FAM180A: variants seen among roughly 807,000 people sequenced by gnomAD.
FAM180A encodes the protein family with sequence similarity 180 member A.
FAM180A carries 14 observed loss-of-function variants against 15.3 expected under a neutral mutation model. That is an observed-to-expected ratio of 0.92 (90% CI 0.61 to 1.43). FAM180A has a LOEUF of 1.43. Among genes scored for constraint, FAM180A ranks in the 40% most tolerant of loss-of-function variants. FAM180A has a pLI of 0.00. For synonymous variants in FAM180A, 90 were observed against 96.8 expected (o/e 0.93, Z 0.41); for missense variants, 200 against 220.8 (o/e 0.91, Z 0.60).
intron 1 of FAM180A, among the ~76,000 whole-genome samples, chr7:135,742,517 A>G (rs922690250): frequency 6.6e-6 from 1 of 152,162 alleles, no homozygotes; most frequent in Non-Finnish European, 1.5e-5. Context: ...GGGTGGGGAA[A>G]CCAAGCACTG....
intron 2 of FAM180A, among the ~76,000 whole-genome samples, chr7:135,735,112 C>T (rs1321032803): frequency 9.2e-5 from 14 of 151,956 alleles, no homozygotes; most frequent in Non-Finnish European, 1.6e-4. Context: ...CATGTTGGTC[C>T]GGCTGGTCTC....
chr7:135,742,662 A>C (rs1796968342), intron 1 of FAM180A, among the ~76,000 whole-genome samples: 1 of 152,222 alleles, frequency 6.6e-6, no homozygotes, highest in Non-Finnish European at 1.5e-5. Flanking sequence ...TCCAGAGTTC[A>C]TGATTCATGT....
Position 135,729,810 on chromosome 7 carries a change from A to C in FAM180A, c.*801T>G. 1 of 947,716 alleles carries C rather than the reference A, an allele frequency of 1.1e-6. No homozygotes were observed. 58.7% of individuals were successfully genotyped at this position (947,716 alleles called of 1,614,324 possible). ...TATCTTAAGTAGTCAGACTCTCAAA[A>C]ACAGAAAGCAGAATAATGGTGCCAA... On this transcript the variant is annotated 3_prime_UTR_variant, in exon 4 of 4. Transcript: ENST00000338588.
At chr7:135,736,804 C>G (rs575661876) in intron 2 of FAM180A, among the ~76,000 whole-genome samples, 1 of 152,322 alleles carries the variant, frequency 6.6e-6, no homozygotes, top group Admixed American at 6.5e-5. Context: ...TTGCCATACT[C>G]TGGTGCCTGG....
At position 135,735,989 on chromosome 7, in the gene FAM180A, C is replaced by T. The variant is rs192738350; in HGVS notation, c.177+1110G>A. 5.6e-3 allele frequency among the ~76,000 whole-genome samples: 843 copies of T among 150,654 alleles called. 7 individuals carry two copies. The highest frequency in any genetic ancestry group is 0.019 in the African/African-American group (780 of 41,036). ...AAGTGCTGGGATTACAAGCATGAGC[C>T]GCCGCACCTGGCCTGGCTGTCTCTT... On this transcript the variant is annotated intron_variant, in intron 2 of 3. Transcript: ENST00000338588.
chr7:135,744,292 C>T (rs7809963), intron 1 of FAM180A, among the ~76,000 whole-genome samples: 12,289 of 152,214 alleles, frequency 0.081, 1,040 homozygotes, highest in African/African-American at 0.22. Context: ...CAGAACTGTG[C>T]ATAGCATTTG....
intron 1 of FAM180A, among the ~76,000 whole-genome samples, chr7:135,746,343 T>C (rs1797032445): frequency 6.6e-6 from 1 of 152,236 alleles, no homozygotes; most frequent in South Asian, 2.1e-4. Context: ...TTGTGCTTTG[T>C]CATTTACAAA....
intron 2 of FAM180A, among the ~76,000 whole-genome samples, chr7:135,736,645 T>C (rs1796876832): frequency 6.6e-6 from 1 of 152,162 alleles, no homozygotes; most frequent in African/African-American, 2.4e-5. Flanking sequence ...TGCAGGGTGG[T>C]CTGTGGCTTC....
intron 1 of FAM180A, among the ~76,000 whole-genome samples, chr7:135,747,817 C>T (rs1034719129): frequency 2.0e-5 from 3 of 152,166 alleles, no homozygotes; most frequent in East Asian, 1.9e-4. Flanking sequence ...TAAACTCTGG[C>T]TCGAGGTGCT....
intron 1 of FAM180A, among the ~76,000 whole-genome samples, chr7:135,737,676 T>A (rs1796892574): frequency 6.8e-6 from 1 of 147,314 alleles, no homozygotes; most frequent in African/African-American, 2.5e-5. Context: ...GGTGACATAC[T>A]CCCCTGGTGT....
intron 1 of FAM180A, among the ~76,000 whole-genome samples, chr7:135,747,655 A>G (rs746134457): frequency 1.3e-5 from 2 of 152,142 alleles, no homozygotes; most frequent in Non-Finnish European, 2.9e-5. Flanking sequence ...TTGCATCTCT[A>G]GAAACACCTA....
intron 1 of FAM180A, among the ~76,000 whole-genome samples, chr7:135,740,968 A>C (rs201152891): frequency 5.1e-5 from 2 of 38,866 alleles, no homozygotes; most frequent in Admixed American, 9.4e-4. Context: ...ACAAAACAAA[A>C]CAAAACAAAA....
chr7:135,734,101 G>A lies in FAM180A; in HGVS notation c.396C>T (p.Tyr132=). ...GGGACAGGGCTGTGCGGTAGGCTGT[G>A]TAGGCCAGGGTCAGCACTGTCCTTT... ...DFERTVLTLA[Y]TAYRTALSHG... Residue 132 remains tyrosine, a synonymous_variant, in exon 3 of 4, where the codon TAC becomes TAT. Coordinates refer to ENST00000338588, the MANE Select transcript of FAM180A (RefSeq NM_205855.4). 6.2e-7 allele frequency: 1 copy of A among 1,614,216 alleles called. No homozygotes were observed. The highest frequency in any genetic ancestry group is 1.1e-5 in the South Asian group (1 of 91,082).
At chr7:135,735,949 T>A (rs1473865134) in intron 2 of FAM180A, among the ~76,000 whole-genome samples, 1 of 151,110 alleles carries the variant, frequency 6.6e-6, no homozygotes, top group Admixed American at 6.6e-5. Context: ...GTGATCCACC[T>A]GCCTCGGCCT....
At chr7:135,745,730 C>A (rs1217615342) in intron 1 of FAM180A, among the ~76,000 whole-genome samples, 4 of 150,124 alleles carry the variant, frequency 2.7e-5, no homozygotes, top group African/African-American at 9.8e-5. Flanking sequence ...TCTACATTTA[C>A]ATTTTGGAGC....
Position 135,736,170 on chromosome 7 carries a change from G to A in FAM180A, c.177+929C>T, listed in dbSNP as rs542427911. Among the ~76,000 whole-genome samples the A allele has an allele frequency of 1.3e-4, 19 of 151,132 alleles. No individual in the cohort carries two copies. In the South Asian group the frequency reaches 3.6e-3, roughly 29 times the overall value. ...CCTGAGTGGCTGGGATTACAGGCAC[G>A]TGCCACCATGCCCAGCTAATTTTTG... On this transcript the variant is annotated intron_variant, in intron 2 of 3. Transcript: ENST00000338588.
intron 1 of FAM180A, 92 bp downstream of exon 1, chr7:135,748,413 G>C (rs553250389): frequency 4.2e-6 from 4 of 943,028 alleles, no homozygotes; most frequent in Non-Finnish European, 6.9e-6. Flanking sequence ...AGGAGAGTGC[G>C]GGGCTTCTAA....
At chr7:135,739,744 G>A (rs1421685734) in intron 1 of FAM180A, among the ~76,000 whole-genome samples, 1 of 151,362 alleles carries the variant, frequency 6.6e-6, no homozygotes, top group African/African-American at 2.4e-5. Flanking sequence ...TCACTGGTAG[G>A]AATCTCCCAT....
At chr7:135,743,300 G>C (rs539418492) in intron 1 of FAM180A, among the ~76,000 whole-genome samples, 1 of 149,488 alleles carries the variant, frequency 6.7e-6, no homozygotes, top group South Asian at 2.1e-4. Context: ...GGGTTCCCAG[G>C]TTCAAGCGAT....
Sources: allele counts gnomAD v4.1 joint callset (sites outside exome capture counted in the v4.1 genomes callset), GRCh38; gene constraint gnomAD v4.1.1; transcripts MANE v1.5; gene names NCBI Gene and HGNC (gene_info 2026-07-23, HGNC 2026-07-21).